RAD51B: variants seen among roughly 807,000 people sequenced by gnomAD.
RAD51B encodes DNA repair protein RAD51 homolog 2.
Under a neutral mutation model 42.2 loss-of-function variants are expected in RAD51B, and 38 were observed. That is an observed-to-expected ratio of 0.90 (90% CI 0.70 to 1.18). The LOEUF (loss-of-function observed/expected upper bound fraction) is 1.18. Among genes scored for constraint, RAD51B ranks in the 50% most tolerant of loss-of-function variants. The probability of loss-of-function intolerance (pLI) is 0.00; values close to 1 mark genes in which losing one functional copy is unlikely to be tolerated. For synonymous variants in RAD51B, 154 were observed against 145.2 expected (o/e 1.06, Z -0.43); for missense variants, 373 against 400.7 (o/e 0.93, Z 0.59).
At chr14:68,154,300 C>T (rs1391394658) in intron 7 of RAD51B, among the ~76,000 whole-genome samples, 1 of 152,194 alleles carries the variant, frequency 6.6e-6, no homozygotes, top group African/African-American at 2.4e-5. Flanking sequence ...TAATTTAAAG[C>T]TAATCATTCC....
chr14:68,074,852 A>G (rs1309269867), intron 7 of RAD51B, among the ~76,000 whole-genome samples: 1 of 152,256 alleles, frequency 6.6e-6, no homozygotes, highest in African/African-American at 2.4e-5. Context: ...GTGCTTAAAC[A>G]TAATGGCCTG....
At chr14:68,152,524 G>T (rs1007685512) in intron 7 of RAD51B, among the ~76,000 whole-genome samples, 4 of 152,036 alleles carry the variant, frequency 2.6e-5, no homozygotes, top group African/African-American at 4.8e-5. Flanking sequence ...TCACTCCCTA[G>T]AATCTCTTGT....
chr14:68,200,656 A>ATT (rs113988267), intron 7 of RAD51B, among the ~76,000 whole-genome samples: 31 of 151,220 alleles, frequency 2.0e-4, no homozygotes, highest in African/African-American at 7.5e-4. Context: ...TAAATCAATA[A>ATT]TTTTTTTTTC....
intron 7 of RAD51B, among the ~76,000 whole-genome samples, chr14:68,154,087 C>T (rs2078448579): frequency 6.6e-6 from 1 of 152,184 alleles, no homozygotes; most frequent in Non-Finnish European, 1.5e-5. Context: ...TGATTTTTCT[C>T]CTCACTGTGA....
At chr14:68,650,127 T>G (rs1892670282) in intron 10 of RAD51B, among the ~76,000 whole-genome samples, 1 of 152,180 alleles carries the variant, frequency 6.6e-6, no homozygotes, top group East Asian at 1.9e-4. Flanking sequence ...GCACTAATTC[T>G]GTTTGACCAC....
intron 10 of RAD51B, among the ~76,000 whole-genome samples, chr14:68,531,626 T>G (rs2525516): frequency 0.92 from 140,403 of 152,258 alleles, 65,582 homozygotes; most frequent in Non-Finnish European, 0.99. Flanking sequence ...TAAAATTGTG[T>G]TAAATTTAAA....
At chr14:68,669,534 C>T (rs2140153232) in intron 11 of RAD51B, among the ~76,000 whole-genome samples, 1 of 152,210 alleles carries the variant, frequency 6.6e-6, no homozygotes, top group Non-Finnish European at 1.5e-5. Context: ...TTTGTTCTTT[C>T]TTCCCCATTA....
intron 7 of RAD51B, among the ~76,000 whole-genome samples, chr14:67,981,826 C>G (rs1045331654): frequency 3.3e-5 from 5 of 152,074 alleles, no homozygotes; most frequent in African/African-American, 4.8e-5. Context: ...AAAGGAATTA[C>G]AAAGAGGCAC....
At chr14:68,525,095 G>A (rs1026157455) in intron 10 of RAD51B, among the ~76,000 whole-genome samples, 2 of 152,256 alleles carry the variant, frequency 1.3e-5, no homozygotes, top group African/African-American at 4.8e-5. Flanking sequence ...ATAATCACAA[G>A]GGTCCCAGTA....
At chr14:68,678,432 T>C (rs899929368) in intron 11 of RAD51B, among the ~76,000 whole-genome samples, 3 of 152,242 alleles carry the variant, frequency 2.0e-5, no homozygotes, top group African/African-American at 7.2e-5. Flanking sequence ...TATTGAGAGC[T>C]TTCTGTGTCT....
At chr14:68,240,190 C>A (rs1161290152) in intron 7 of RAD51B, among the ~76,000 whole-genome samples, 1 of 152,110 alleles carries the variant, frequency 6.6e-6, no homozygotes, top group African/African-American at 2.4e-5. Flanking sequence ...TCAGAACAGA[C>A]CTCATTGTGT....
At chr14:67,940,860 A>G (rs1369266264) in intron 7 of RAD51B, among the ~76,000 whole-genome samples, 6 of 152,126 alleles carry the variant, frequency 3.9e-5, no homozygotes, top group Non-Finnish European at 8.8e-5. Context: ...GAAAGCACCA[A>G]TTTTCTGGGA....
intron 7 of RAD51B, among the ~76,000 whole-genome samples, chr14:68,250,673 C>T (rs1022121506): frequency 3.3e-5 from 5 of 152,188 alleles, no homozygotes; most frequent in African/African-American, 1.2e-4. Context: ...CTGGCCTGCT[C>T]ACAGCCCCAG....
chr14:68,469,432 G>A (rs1453175342), intron 10 of RAD51B, among the ~76,000 whole-genome samples: 11 of 152,316 alleles, frequency 7.2e-5, no homozygotes, highest in African/African-American at 2.2e-4. Context: ...GCTCCACAGC[G>A]GGGACTCTCA....
chr14:67,846,182 G>A (rs1193086745), intron 4 of RAD51B, among the ~76,000 whole-genome samples: 2 of 152,150 alleles, frequency 1.3e-5, no homozygotes, highest in South Asian at 2.1e-4. Flanking sequence ...TGGTGGGTGC[G>A]GCGCTGCCAG....
At chr14:67,830,362 G>A (rs1476602580) in intron 3 of RAD51B, among the ~76,000 whole-genome samples, 3 of 152,096 alleles carry the variant, frequency 2.0e-5, no homozygotes, top group South Asian at 2.1e-4. Context: ...TTAATGCAGA[G>A]GTTATAGTGT....
chr14:67,835,883 A>T (rs911229951), intron 4 of RAD51B, among the ~76,000 whole-genome samples: 1 of 152,192 alleles, frequency 6.6e-6, no homozygotes, highest in African/African-American at 2.4e-5. Context: ...AAATATTATG[A>T]AATAATATTA....
chr14:68,620,044 C>G (rs776899947), intron 10 of RAD51B, among the ~76,000 whole-genome samples: 1 of 152,194 alleles, frequency 6.6e-6, no homozygotes, highest in Non-Finnish European at 1.5e-5. Context: ...TAGCCTCTCT[C>G]TCTCTCCCTT....
intron 7 of RAD51B, among the ~76,000 whole-genome samples, chr14:68,005,288 A>G (rs1160577282): frequency 6.6e-6 from 1 of 151,988 alleles, no homozygotes; most frequent in Admixed American, 6.6e-5. Flanking sequence ...TCCTGACTTC[A>G]TGATCTGCCT....
Sources: allele counts gnomAD v4.1 joint callset (sites outside exome capture counted in the v4.1 genomes callset), GRCh38; gene constraint gnomAD v4.1.1; transcripts MANE v1.5; gene names NCBI Gene and HGNC (gene_info 2026-07-23, HGNC 2026-07-21).